Variants in TTC39C observed in about 807,000 individuals in gnomAD.
The protein encoded by TTC39C is tetratricopeptide repeat domain 39C.
A neutral mutation model predicts 76.3 loss-of-function variants in TTC39C; 33 were observed. The ratio of observed to expected loss-of-function variants is 0.43; its 90% CI spans 0.33 to 0.58. The LOEUF (loss-of-function observed/expected upper bound fraction) is 0.58, where lower values mean the gene tolerates loss of function less well. TTC39C is among the 20% of genes least tolerant of loss of function. The pLI, the probability that TTC39C is intolerant of heterozygous loss-of-function variation, is 0.04. For missense variants in TTC39C, 595 were observed against 701.4 expected (o/e 0.85, Z 1.71); for synonymous variants, 254 against 260.6 (o/e 0.97, Z 0.24).
At chr18:24,113,703 A>T (rs1457858328) in intron 6 of TTC39C, 1 of 702,218 alleles carries the variant, frequency 1.4e-6, no homozygotes, top group Non-Finnish European at 2.6e-6. Flanking sequence ...CCTAAGATTA[A>T]ACTGATGCTT....
intron 1 of TTC39C, among the ~76,000 whole-genome samples, chr18:24,052,533 T>A (rs990726707): frequency 9.9e-6 from 1 of 101,378 alleles, no homozygotes; most frequent in African/African-American, 2.8e-5. Context: ...AAATTAAATA[T>A]CTTGCTTTAA....
At chr18:24,021,243 T>A (rs1420827078) in intron 1 of TTC39C, among the ~76,000 whole-genome samples, 4 of 152,086 alleles carry the variant, frequency 2.6e-5, no homozygotes, top group Non-Finnish European at 5.9e-5. Flanking sequence ...AGGAGTCAGG[T>A]GGGGTAGGGA....
Position 24,114,535 on chromosome 18 carries a change from GT to G in TTC39C, c.985-15del. 6.3e-7 allele frequency: 1 copy of G among 1,592,684 alleles called. No homozygotes were observed. On this transcript the variant is annotated intron_variant, in intron 6 of 13. Coordinates refer to ENST00000317571, the MANE Select transcript of TTC39C (RefSeq NM_001135993.2). ...TCGACAGATCTTAGCTGGTAATTCT[GT>G]TTTCCTTTTCTCCTTAGTGTCAAAT...
At chr18:24,116,763 C>G (rs2084896743) in intron 7 of TTC39C, among the ~76,000 whole-genome samples, 2 of 149,654 alleles carry the variant, frequency 1.3e-5, no homozygotes. Flanking sequence ...TTTTGATCCA[C>G]AGTTATTCCT....
chr18:24,001,354 A>C (rs2083309171), intron 1 of TTC39C, among the ~76,000 whole-genome samples: 1 of 152,182 alleles, frequency 6.6e-6, no homozygotes, highest in Non-Finnish European at 1.5e-5. Context: ...GGTCCGTGAA[A>C]AATATTAGGA....
chr18:24,070,641 C>T (rs971445815), intron 4 of TTC39C, among the ~76,000 whole-genome samples: 9 of 152,140 alleles, frequency 5.9e-5, no homozygotes, highest in South Asian at 2.1e-4. Flanking sequence ...ATCAGGAGTT[C>T]GAGACCAGCC....
chr18:24,065,722 G>C (rs1016963597), intron 2 of TTC39C, among the ~76,000 whole-genome samples: 17 of 152,216 alleles, frequency 1.1e-4, no homozygotes, highest in Non-Finnish European at 7.3e-5. Flanking sequence ...AGAAATCATA[G>C]AGAATTTTTG....
intron 1 of TTC39C, among the ~76,000 whole-genome samples, chr18:24,006,653 T>C (rs1319971859): frequency 6.6e-6 from 1 of 152,174 alleles, no homozygotes; most frequent in Non-Finnish European, 1.5e-5. Context: ...GGCGATCTAC[T>C]GTGGCCCATA....
chr18:24,057,606 C>T (rs1222464579), intron 1 of TTC39C, among the ~76,000 whole-genome samples: 2 of 152,154 alleles, frequency 1.3e-5, no homozygotes, highest in African/African-American at 4.8e-5. Flanking sequence ...AATGTTATTG[C>T]TTATGAGATT....
chr18:23,996,310 G>A (rs2083260931), intron 1 of TTC39C, among the ~76,000 whole-genome samples: 3 of 152,208 alleles, frequency 2.0e-5, no homozygotes, highest in South Asian at 2.1e-4. Flanking sequence ...ACTTCCCTAA[G>A]TGTATCTACT....
intron 6 of TTC39C, 120 bp from the exon 7 acceptor site, chr18:24,114,434 C>G: frequency 1.4e-6 from 1 of 732,792 alleles, no homozygotes; most frequent in South Asian, 1.8e-5. Context: ...AAACCACTGT[C>G]TTCTATATTG....
chr18:23,997,722 G>GAAAGAAAGAAAGA, intron 1 of TTC39C, among the ~76,000 whole-genome samples: 1 of 150,248 alleles, frequency 6.7e-6, no homozygotes, highest in African/African-American at 2.4e-5. Flanking sequence ...AAGAAAGAAA[G>GAAAGAAAGAAAGA]AAACCAAAAC....
At chr18:24,073,759 A>G (rs776067490) in intron 4 of TTC39C, among the ~76,000 whole-genome samples, 1 of 152,170 alleles carries the variant, frequency 6.6e-6, no homozygotes, top group Non-Finnish European at 1.5e-5. Flanking sequence ...GGCTCAAGCA[A>G]TCCTTCCGCC....
intron 8 of TTC39C, among the ~76,000 whole-genome samples, chr18:24,122,475 C>CTGG (rs1203393993): frequency 9.1e-6 from 1 of 110,370 alleles, no homozygotes; most frequent in Non-Finnish European, 1.6e-5. Context: ...GCACTCCTGC[C>CTGG]TGGTGACAGA....
chr18:24,021,662 A>G (rs1225093158), intron 1 of TTC39C, among the ~76,000 whole-genome samples: 2 of 150,862 alleles, frequency 1.3e-5, no homozygotes, highest in Non-Finnish European at 2.9e-5. Flanking sequence ...TCTCCTGCCA[A>G]GCTGGGCCTT....
intron 1 of TTC39C, among the ~76,000 whole-genome samples, chr18:24,045,496 T>G (rs1437960030): frequency 6.6e-6 from 1 of 152,138 alleles, no homozygotes; most frequent in African/African-American, 2.4e-5. Flanking sequence ...AATACCATTT[T>G]AAAAGTGCTT....
chr18:24,014,009 C>A (rs2076906), upstream of TTC39C, among the ~76,000 whole-genome samples: 47,109 of 152,242 alleles, frequency 0.31, 8,241 homozygotes, highest in East Asian at 0.6. Flanking sequence ...TCCTCCTGCC[C>A]CACTGCGCAA....
chr18:24,091,434 C>T (rs1440521775), intron 6 of TTC39C, among the ~76,000 whole-genome samples: 1 of 151,878 alleles, frequency 6.6e-6, no homozygotes, highest in African/African-American at 2.4e-5. Context: ...AAAGCCAGAC[C>T]ATGTGCTGGG....
At chr18:24,023,805 C>G (rs1012774609) in intron 1 of TTC39C, among the ~76,000 whole-genome samples, 2 of 45,208 alleles carry the variant, frequency 4.4e-5, no homozygotes, top group African/African-American at 6.2e-5. Context: ...CAAATGCCCC[C>G]TTTTGCTAAC....
Sources: allele counts gnomAD v4.1 joint callset (sites outside exome capture counted in the v4.1 genomes callset), GRCh38; gene constraint gnomAD v4.1.1; transcripts MANE v1.5; gene names NCBI Gene and HGNC (gene_info 2026-07-23, HGNC 2026-07-21).